Variants in ST6GALNAC5 observed in about 807,000 individuals in gnomAD.
ST6GALNAC5 encodes the protein alpha-N-acetylgalactosaminide alpha-2,6-sialyltransferase 5.
A neutral mutation model predicts 33.6 loss-of-function variants in ST6GALNAC5; 27 were observed. That is an observed-to-expected ratio of 0.80 (90% CI 0.59 to 1.11). The LOEUF is 1.11. Among genes scored for constraint, ST6GALNAC5 ranks in the 50% least tolerant of loss-of-function variants. The pLI is 0.00. For missense variants in ST6GALNAC5, 428 were observed against 454.0 expected (o/e 0.94, Z 0.52); for synonymous variants, 194 against 171.2 (o/e 1.13, Z -1.04).
chr1:76,965,631 T>A (rs865888039), intron 2 of ST6GALNAC5, among the ~76,000 whole-genome samples: 2 of 152,270 alleles, frequency 1.3e-5, no homozygotes, highest in African/African-American at 4.8e-5. Context: ...ATTTATCCAG[T>A]TTGGCTTTTG....
At chr1:77,048,826 G>A (rs1327363317) in intron 3 of ST6GALNAC5, among the ~76,000 whole-genome samples, 1 of 152,168 alleles carries the variant, frequency 6.6e-6, no homozygotes, top group African/African-American at 2.4e-5. Context: ...CTCTCAAGTA[G>A]CCCAGGGGAC....
intron 2 of ST6GALNAC5, among the ~76,000 whole-genome samples, chr1:76,964,482 C>T (rs368719646): frequency 6.6e-6 from 1 of 152,122 alleles, no homozygotes; most frequent in East Asian, 1.9e-4. Flanking sequence ...CCGAAGTTCC[C>T]CCTCAGAGAT....
At chr1:77,045,231 C>T (rs576476685) in intron 3 of ST6GALNAC5, among the ~76,000 whole-genome samples, 8 of 152,196 alleles carry the variant, frequency 5.3e-5, no homozygotes, top group Admixed American at 2.0e-4. Flanking sequence ...TAGTGAGGCA[C>T]TGAAAGATTT....
chr1:76,870,538 C>A (rs1653477738), intron 2 of ST6GALNAC5, among the ~76,000 whole-genome samples: 1 of 152,108 alleles, frequency 6.6e-6, no homozygotes, highest in Non-Finnish European at 1.5e-5. Flanking sequence ...TGCTTATGTT[C>A]AAAACAATGT....
intron 2 of ST6GALNAC5, among the ~76,000 whole-genome samples, chr1:77,031,944 T>A (rs1021809): frequency 0.11 from 16,796 of 152,170 alleles, 1,052 homozygotes; most frequent in Admixed American, 0.16. Flanking sequence ...ACAGGGTGCT[T>A]CAGTAGTCTT....
intron 2 of ST6GALNAC5, among the ~76,000 whole-genome samples, chr1:77,027,644 A>G (rs59492205): frequency 1.4e-4 from 22 of 152,208 alleles, no homozygotes; most frequent in African/African-American, 4.6e-4. Flanking sequence ...GGGAGGGTTT[A>G]ATGTGACTCC....
intron 2 of ST6GALNAC5, among the ~76,000 whole-genome samples, chr1:76,987,547 T>C (rs1237969119): frequency 6.6e-6 from 1 of 152,130 alleles, no homozygotes. Flanking sequence ...CTCAAACGAT[T>C]AAGAATAGAG....
intron 2 of ST6GALNAC5, among the ~76,000 whole-genome samples, chr1:76,873,050 C>T (rs1339766471): frequency 6.6e-6 from 1 of 152,174 alleles, no homozygotes; most frequent in East Asian, 1.9e-4. Context: ...TATCACTATC[C>T]TCCTGTAAAT....
intron 2 of ST6GALNAC5, among the ~76,000 whole-genome samples, chr1:76,902,832 T>A (rs527469160): frequency 6.6e-6 from 1 of 152,236 alleles, no homozygotes; most frequent in South Asian, 2.1e-4. Flanking sequence ...TATATCCACA[T>A]GTAAAACAAT....
rs375136160 is a variant in ST6GALNAC5, at chr1:77,063,082, G to A, written c.887G>A (p.Arg296His). ...HERGRKGSHHRFITEKRVFKN... is the reference protein window; with the variant it reads ...HERGRKGSHHHFITEKRVFKN... ...CGAGGACGCAAGGGCAGTCATCACC[G>A]CTTTATCACAGAGAAACGAGTCTTT... The change falls in exon 5 of 5, where the codon CGC becomes CAC. Residue 296 changes from arginine to histidine, a missense_variant. Arg to His is a conservative substitution (Grantham distance 29). Coordinates refer to ENST00000477717, the MANE Select transcript of ST6GALNAC5 (RefSeq NM_030965.3). 7.1e-5 allele frequency: 114 copies of A among 1,613,758 alleles called. No individual in the cohort carries two copies. Among genetic ancestry groups the A allele is most frequent in the Non-Finnish European group, 9.1e-5 (107 of 1,179,912 alleles).
At chr1:77,006,489 GTTTTTTATT>G (rs1650425639) in intron 2 of ST6GALNAC5, among the ~76,000 whole-genome samples, 1 of 151,490 alleles carries the variant, frequency 6.6e-6, no homozygotes, top group Non-Finnish European at 1.5e-5. Flanking sequence ...AATTTTTGTA[GTTTTTTATT>G]TTTTAGTAGA....
intron 2 of ST6GALNAC5, among the ~76,000 whole-genome samples, chr1:76,989,242 A>G (rs1437099770): frequency 6.6e-6 from 1 of 151,084 alleles, no homozygotes; most frequent in Admixed American, 6.6e-5. Context: ...ATACTATCTG[A>G]TTCTTTTGCC....
At chr1:76,905,701 T>C (rs1379469809) in intron 2 of ST6GALNAC5, among the ~76,000 whole-genome samples, 1 of 152,242 alleles carries the variant, frequency 6.6e-6, no homozygotes, top group Non-Finnish European at 1.5e-5. Flanking sequence ...ACAAAACTTC[T>C]GTATTGCAAA....
rs1318777620 is a variant in ST6GALNAC5, at chr1:76,868,475, TCTCTC to T, written c.16-21_16-17del. On this transcript the variant is annotated splice_polypyrimidine_tract_variant and intron_variant, in intron 1 of 4. Transcript: ENST00000477717. This position sits in a 1 kb window ranked among gnomAD's most constrained non-coding sequence, Gnocchi z 4.3. ...TGTCTGCGCTCAGCCGCTCTCCTCT[TCTCTC>T]TCCCGCCCGCCCGCAGCGCCATGGT... The T allele has an allele frequency of 6.3e-7, 1 of 1,594,074 alleles. No homozygotes were observed. Among genetic ancestry groups the T allele is most frequent in the South Asian group, 1.1e-5 (1 of 88,786 alleles).
intron 2 of ST6GALNAC5, among the ~76,000 whole-genome samples, chr1:76,881,520 G>A (rs951216234): frequency 3.9e-5 from 6 of 151,950 alleles, no homozygotes; most frequent in Non-Finnish European, 8.8e-5. Flanking sequence ...GTCTAAAATT[G>A]TCTGCCTTCC....
chr1:77,007,456 C>T (rs1650468188), intron 2 of ST6GALNAC5, among the ~76,000 whole-genome samples: 1 of 152,184 alleles, frequency 6.6e-6, no homozygotes, highest in Non-Finnish European at 1.5e-5. Context: ...CCAAGTTCCT[C>T]TTCTCCAGGG....
In ST6GALNAC5 at chr1:76,955,413, AG is replaced by A. The variant is rs368344786; in HGVS notation, c.261+86674del. 2.2e-3 allele frequency among the ~76,000 whole-genome samples: 342 copies of A among 152,308 alleles called. 1 individual carries two copies. The highest frequency in any genetic ancestry group is 7.7e-3 in the African/African-American group (322 of 41,590). Reference sequence around the variant, plus strand: ...TTAGTTTAATTTCTTACAAAAGGTGAGGGTAAATTCAGCAATCAGTATGGTA... The same window carrying A: ...TTAGTTTAATTTCTTACAAAAGGTGAGGTAAATTCAGCAATCAGTATGGTA... On this transcript the variant is annotated intron_variant, in intron 2 of 4. Transcript: ENST00000477717.
intron 2 of ST6GALNAC5, among the ~76,000 whole-genome samples, chr1:77,022,885 T>G (rs1282423648): frequency 7.2e-5 from 11 of 152,232 alleles, no homozygotes; most frequent in Non-Finnish European, 1.6e-4. Flanking sequence ...TTGGCAAATT[T>G]GGTGTCATGG....
Position 77,067,158 on chromosome 1 carries a change from T to TGG in ST6GALNAC5, c.*3957_*3958dup, listed in dbSNP as rs3833438. Among the ~76,000 whole-genome samples the TGG allele has an allele frequency of 6.6e-6, 1 of 151,856 alleles. No individual in the cohort carries two copies. The highest frequency in any genetic ancestry group is 2.4e-5 in the African/African-American group (1 of 41,304). ...CAAAGAGAACTATAATAATAAGCCC[T>TGG]GGGGGGCAGGATGTGTGAACCAATT... is the stretch of plus-strand genomic sequence containing the variant. On this transcript the variant is annotated 3_prime_UTR_variant, in exon 5 of 5. Coordinates refer to ENST00000477717, the MANE Select transcript of ST6GALNAC5 (RefSeq NM_030965.3).
Sources: gnomAD v4.1 joint callset for allele counts (sites outside exome capture counted in the v4.1 genomes callset) on GRCh38, gnomAD v4.1.1 for gene constraint, Gnocchi (gnomAD v3.1) non-coding constraint, MANE v1.5 for transcripts, NCBI Gene and HGNC (gene_info 2026-07-23, HGNC 2026-07-21) for gene names.